Variants in FOXA2 observed in about 807,000 individuals in gnomAD.
The protein encoded by FOXA2 is hepatocyte nuclear factor 3-beta.
FOXA2 carries 9 observed loss-of-function variants against 33.3 expected under a neutral mutation model. That is an observed-to-expected ratio of 0.27 (90% CI 0.16 to 0.47). The LOEUF (loss-of-function observed/expected upper bound fraction) is 0.47. Ranked by LOEUF, FOXA2 falls within the 20% of genes least tolerant of loss-of-function variation. FOXA2 has a pLI of 0.99. For missense variants in FOXA2, 704 were observed against 659.9 expected, an observed-to-expected ratio of 1.07 and a Z score of -0.73; for synonymous variants, 329 against 289.4, an observed-to-expected ratio of 1.14 and a Z score of -1.39.
At chr20:22,584,590 C>T (rs1342306931), upstream of FOXA2, 2 of 139,566 alleles carry the variant, frequency 1.4e-5, no homozygotes, top group African/African-American at 5.7e-5. Flanking sequence ...TGCCCCGAGG[C>T]GGCGGGAAGC....
intron 1 of FOXA2, 126 bp downstream of exon 1, chr20:22,584,066 C>T: frequency 3.7e-6 from 3 of 806,162 alleles, no homozygotes; most frequent in Non-Finnish European, 6.3e-6. Flanking sequence ...GCGGAAAAGG[C>T]GGCTGCCCAG....
Position 22,582,242 on chromosome 20 carries a change from C to A in FOXA2, c.1000G>T (p.Ala334Ser). 1 of 1,473,814 alleles carries A rather than the reference C, an allele frequency of 6.8e-7. No individual in the cohort carries two copies. Among genetic ancestry groups the A allele is most frequent in the Non-Finnish European group, 8.9e-7 (1 of 1,118,628 alleles). 91.3% of individuals were successfully genotyped at this position (1,473,814 alleles called of 1,614,324 possible). Residue 334 changes from alanine (A) to serine (S), a missense_variant, in exon 2 of 2, where the codon GCG (alanine) becomes TCG (serine). By Grantham distance (99) the Ala-to-Ser change is moderately conservative (BLOSUM62 1). Transcript: ENST00000419308. The part of the protein sequence containing the change: ...GLGELKGTPA[A>S]ALSPPEPAPS... ...GCCGGCTCTGGGGGGCTCAGCGCCGCAGCCGGCGTCCCCTTCAGCTCTCCC... is the reference window on the plus strand; with the variant it reads ...GCCGGCTCTGGGGGGCTCAGCGCCGAAGCCGGCGTCCCCTTCAGCTCTCCC...
At position 22,581,906 on chromosome 20, in the gene FOXA2, C is replaced by A. The variant is rs752325199; in HGVS notation, c.1336G>T (p.Ala446Ser). 1.2e-6 allele frequency: 2 copies of A among 1,605,372 alleles called. No individual in the cohort carries two copies. Among genetic ancestry groups the A allele is most frequent in the East Asian group, 2.2e-5 (1 of 44,582 alleles). Reference sequence around the variant, plus strand: ...ACCCCCTGGTAGTAGGAGGTATCTGCGGCCAGGGGCGAGGCGTCCAGGCCC... The same window carrying A: ...ACCCCCTGGTAGTAGGAGGTATCTGAGGCCAGGGGCGAGGCGTCCAGGCCC... ...KTGLDASPLA[A>S]DTSYYQGVYS... The change falls in exon 2 of 2, where the codon GCA (alanine) becomes TCA (serine). Residue 446 changes from alanine to serine, a missense_variant. Ala to Ser is a moderately conservative substitution (Grantham distance 99, BLOSUM62 1). Transcript: ENST00000419308.
upstream of FOXA2, chr20:22,585,152 A>G (rs1364851734): frequency 9.2e-5 from 14 of 152,182 alleles, no homozygotes; most frequent in Non-Finnish European, 1.9e-4. Context: ...GCAGATCCCT[A>G]TGAAAGCCGG....
At position 22,583,172 on chromosome 20, in the gene FOXA2, G is replaced by A; in HGVS notation, c.88-18C>T. The A allele has an allele frequency of 6.3e-7, 1 of 1,599,288 alleles. No homozygotes were observed. Among genetic ancestry groups the A allele is most frequent in the Non-Finnish European group, 8.5e-7 (1 of 1,179,650 alleles). ...GAGTAGCCCTGCGGACAGAGCCCCG[G>A]GAGGGAGGCGACAGCGTTAGCACCG... On this transcript the variant is annotated intron_variant, in intron 1 of 1. Coordinates refer to ENST00000419308, the MANE Select transcript of FOXA2 (RefSeq NM_021784.5).
intron 1 of FOXA2, 118 bp downstream of exon 1, chr20:22,584,074 C>T (rs538209864): frequency 2.9e-5 from 27 of 946,248 alleles, no homozygotes; most frequent in Non-Finnish European, 4.3e-5. Context: ...GGCGGCTGCC[C>T]AGAAAGGCTG....
upstream of FOXA2, chr20:22,585,133 C>T (rs1600435968): frequency 6.6e-6 from 1 of 152,238 alleles, no homozygotes; most frequent in East Asian, 1.9e-4. Context: ...CGTCCAGCCT[C>T]AGTGCCCGGC....
chr20:22,585,473 A>G (rs1234987609), upstream of FOXA2: 1 of 152,208 alleles, frequency 6.6e-6, no homozygotes, highest in Non-Finnish European at 1.5e-5. Context: ...GACGGTTGGG[A>G]GGCTGAGATT....
Position 22,582,510 on chromosome 20 carries a change from G to A in FOXA2, c.732C>T (p.Asp244=), listed in dbSNP as rs1489797495. 2 of 1,614,130 alleles carry A rather than the reference G, an allele frequency of 1.2e-6. No individual in the cohort carries two copies. Among genetic ancestry groups the A allele is most frequent in the East Asian group, 4.5e-5 (2 of 44,852 alleles). The stretch of plus-strand genomic sequence containing the variant: ...AGCCGTTCTCGAACATGTTGCCCGA[G>A]TCAGGGTGCAGGGTCCAGAAGGAGC... ...GKGSFWTLHP[D]SGNMFENGCY... is the part of the protein sequence containing the mutation. Residue 244 remains aspartate (D), a synonymous_variant, in exon 2 of 2, where the codon GAC becomes GAT. Coordinates refer to ENST00000419308, the MANE Select transcript of FOXA2 (RefSeq NM_021784.5).
At chr20:22,584,084 G>A in intron 1 of FOXA2, 108 bp downstream of exon 1, 2 of 1,062,638 alleles carry the variant, frequency 1.9e-6, no homozygotes, top group Admixed American at 1.7e-5. Flanking sequence ...CAGAAAGGCT[G>A]GGGTTGTGGG....
Position 22,583,628 on chromosome 20 carries a change from C to T in FOXA2, c.88-474G>A, listed in dbSNP as rs904719504. 3.3e-5 allele frequency among the ~76,000 whole-genome samples: 5 copies of T among 152,352 alleles called. No individual in the cohort carries two copies. In the South Asian group the frequency reaches 6.2e-4, roughly 19 times the overall value. ...AAGACTGTCCCGGGCCCCCTCTGTCCGGTCTCCCTCCAGGGACCCCCTCCC... is the reference window on the plus strand; with the variant it reads ...AAGACTGTCCCGGGCCCCCTCTGTCTGGTCTCCCTCCAGGGACCCCCTCCC... On this transcript the variant is annotated intron_variant, in intron 1 of 1. Transcript: ENST00000419308.
chr20:22,584,881 T>G (rs1984724246), upstream of FOXA2, among the ~76,000 whole-genome samples: 1 of 151,968 alleles, frequency 6.6e-6, no homozygotes, highest in Non-Finnish European at 1.5e-5. Flanking sequence ...CACCTGCCCC[T>G]CAGCGCCTGC....
In FOXA2 at chr20:22,584,533, C is replaced by A. The variant is rs1984701938; in HGVS notation, c.-255G>T. On this transcript the variant is annotated 5_prime_UTR_variant, in exon 1 of 2. Transcript: ENST00000419308. ...CGCGGTAGGGAGCACCCGCCGCCGC[C>A]GCGCTCACGGGCTGCCGGGTGGCGG... The A allele has an allele frequency of 8.7e-6, 4 of 461,996 alleles. No individual in the cohort carries two copies. The East Asian group carries it at 1.2e-4, about 14-fold the overall frequency. The allele number at this position is 461,996 out of a possible 1,614,324, so 28.6% of individuals were successfully genotyped here. A position where few individuals can be genotyped will look rare whatever the true frequency, so the allele number is the denominator to read the frequency against.
At position 22,584,201 on chromosome 20, in the gene FOXA2, T is replaced by C. The variant is rs949817920; in HGVS notation, c.78A>G (p.Ala26=). The C allele has an allele frequency of 5.0e-6, 8 of 1,613,808 alleles. No individual in the cohort carries two copies. Among genetic ancestry groups the C allele is most frequent in the Admixed American group, 3.3e-5 (2 of 60,014 alleles). The change falls in exon 1 of 2, where the codon GCA becomes GCG. Residue 26 remains alanine (A), a synonymous_variant. Transcript: ENST00000419308. ...HEPSDWSSYY[A]EPEGYSSVSN... Reference sequence around the variant, plus strand: ...AAAGACGAGCGCTTACCTCGGGCTCTGCATAGTAGCTGCTCCAGTCGGACG... The same window carrying C: ...AAAGACGAGCGCTTACCTCGGGCTCCGCATAGTAGCTGCTCCAGTCGGACG...
rs894986224 is a variant in FOXA2 at position 22,583,256 on chromosome 20, C to T, written c.88-102G>A. The T allele has an allele frequency of 1.0e-5, 13 of 1,265,436 alleles. No homozygotes were observed. The African/African-American group carries it at 1.8e-4, about 17-fold the overall frequency. The allele number at this position is 1,265,436 out of a possible 1,614,324, so 78.4% of individuals were successfully genotyped here. A position where few individuals can be genotyped will look rare whatever the true frequency, so the allele number is the denominator to read the frequency against. On this transcript the variant is annotated intron_variant, in intron 1 of 1. Transcript: ENST00000419308. ...CCCAGGCCTCCGCGTCCGGGGAGGC[C>T]TCCGGGGAGCCCTTTCGTCCCCGAT...
rs146538183 is a variant in FOXA2 at position 22,583,044 on chromosome 20, C to T, written c.198G>A (p.Ala66=). 145 of 1,609,974 alleles carry T rather than the reference C, an allele frequency of 9.0e-5. No homozygotes were observed. Among genetic ancestry groups the T allele is most frequent in the Middle Eastern group, 3.3e-4 (2 of 6,082 alleles). The change falls in exon 2 of 2, where the codon GCG becomes GCA. Residue 66 remains alanine (A), a synonymous_variant. Coordinates refer to ENST00000419308, the MANE Select transcript of FOXA2 (RefSeq NM_021784.5). ...CGTACGACGACATGTTCATGGAGCC[C>T]GCGCTCATGTTGCCCGAGCCGCTGC... ...AMGSGSGNMS[A]GSMNMSSYVG...
rs1984620515 is a variant in FOXA2, at chr20:22,582,706, T to C, written c.536A>G (p.Gln179Arg). 6.2e-7 allele frequency: 1 copy of C among 1,614,032 alleles called. No individual in the cohort carries two copies. Among genetic ancestry groups the C allele is most frequent in the Non-Finnish European group, 8.5e-7 (1 of 1,180,018 alleles). The change falls in exon 2 of 2, where the codon CAG (glutamine) becomes CGG (arginine). Residue 179 changes from glutamine (Q) to arginine (R), a missense_variant. By Grantham distance (43) the Gln-to-Arg change is conservative. Coordinates refer to ENST00000419308, the MANE Select transcript of FOXA2 (RefSeq NM_021784.5). ...SYISLITMAI[Q>R]QSPNKMLTLS... ...CGTCAGCATCTTGTTGGGGCTCTGC[T>C]GGATGGCCATGGTGATGAGCGAGAT...
rs943128091 is a variant in FOXA2 at position 22,582,926 on chromosome 20, C to T, written c.316G>A (p.Ala106Thr). The change falls in exon 2 of 2, where the codon GCG becomes ACG. Residue 106 changes from alanine (A) to threonine (T), a missense_variant. By Grantham distance (58) the Ala-to-Thr change is moderately conservative (BLOSUM62 0). Transcript: ENST00000419308. ...GGACTCAAGTGCGGCCCCATGCCCG[C>T]CACGCCGGCCGCCCCGGCCGAGCCG... ...MGGSAGAAGV[A>T]GMGPHLSPSL... 13 of 1,519,294 alleles carry T rather than the reference C, an allele frequency of 8.6e-6. 1 individual carries two copies. The African/African-American group carries it at 1.3e-4, about 15-fold the overall frequency. 94.1% of individuals were successfully genotyped at this position (1,519,294 alleles called of 1,614,324 possible). A position where few individuals can be genotyped will look rare whatever the true frequency, so the allele number is the denominator to read the frequency against.
rs769189984 is a variant in FOXA2, at chr20:22,581,936, T to G, written c.1306A>C (p.Lys436Gln). Residue 436 changes from lysine (K) to glutamine (Q), a missense_variant, in exon 2 of 2, where the codon AAA becomes CAA. Transcript: ENST00000419308. The part of the protein sequence containing the change: ...GSLAMGPVTN[K>Q]TGLDASPLAA... ...AGGGGCGAGGCGTCCAGGCCCGTTT[T>G]GTTCGTGACCGGGCCCATGGCCAAG... is the stretch of plus-strand genomic sequence containing the variant. 199 of 1,611,056 alleles carry G rather than the reference T, an allele frequency of 1.2e-4. 1 individual carries two copies. Among genetic ancestry groups the G allele is most frequent in the Non-Finnish European group, 1.5e-4 (182 of 1,177,606 alleles).
Sources: gnomAD v4.1 joint callset for allele counts (sites outside exome capture counted in the v4.1 genomes callset) on GRCh38, gnomAD v4.1.1 for gene constraint, MANE v1.5 for transcripts, NCBI Gene and HGNC (gene_info 2026-07-23, HGNC 2026-07-21) for gene names.